The following BCKDHA variants were observed in gnomAD, a reference collection of about 807,000 sequenced individuals.
BCKDHA encodes 2-oxoisovalerate dehydrogenase subunit alpha, mitochondrial.
Under a neutral mutation model 52.2 loss-of-function variants are expected in BCKDHA, and 43 were observed. The ratio of observed to expected loss-of-function variants is 0.82; its 90% CI spans 0.64 to 1.06. The LOEUF is 1.06. BCKDHA is among the 50% of genes least tolerant of loss of function. The pLI, the probability that BCKDHA is intolerant of heterozygous loss-of-function variation, is 0.00. For missense variants in BCKDHA, 527 were observed against 621.3 expected, an observed-to-expected ratio of 0.85 and a Z score of 1.61; for synonymous variants, 234 against 247.9, an observed-to-expected ratio of 0.94 and a Z score of 0.53.
intron 1 of BCKDHA, among the ~76,000 whole-genome samples, chr19:41,406,038 C>T (rs1433562303): frequency 6.6e-6 from 1 of 152,170 alleles, no homozygotes; most frequent in Non-Finnish European, 1.5e-5. Flanking sequence ...GCCACCCACT[C>T]CCATTATGGA....
At chr19:41,422,097 T>A in intron 5 of BCKDHA, 67 bp from the exon 6 acceptor site, 1 of 1,480,248 alleles carries the variant, frequency 6.8e-7, no homozygotes, top group Non-Finnish European at 9.3e-7. Context: ...GTGGGTCATG[T>A]GAGTGTGAAT....
chr19:41,398,654 C>G (rs1472113610), intron 1 of BCKDHA, among the ~76,000 whole-genome samples: 5 of 152,212 alleles, frequency 3.3e-5, no homozygotes, highest in Admixed American at 3.3e-4. Context: ...ACAATCCCTT[C>G]AGGTGGATGC....
At chr19:41,400,672 C>T (rs192298225) in intron 1 of BCKDHA, among the ~76,000 whole-genome samples, 178 of 152,272 alleles carry the variant, frequency 1.2e-3, no homozygotes, top group Middle Eastern at 6.8e-3. Flanking sequence ...CGTGAGCCAC[C>T]TTGCCTGGCC....
chr19:41,406,304 G>A (rs778484874), intron 1 of BCKDHA, among the ~76,000 whole-genome samples: 26 of 152,148 alleles, frequency 1.7e-4, no homozygotes, highest in Non-Finnish European at 3.1e-4. Flanking sequence ...CTTAGTGCCC[G>A]TCTGAAGACT....
At chr19:41,413,319 C>T (rs905122792) in intron 3 of BCKDHA, among the ~76,000 whole-genome samples, 16 of 151,960 alleles carry the variant, frequency 1.1e-4, no homozygotes, top group African/African-American at 3.9e-4. Flanking sequence ...GGCCAGGGAC[C>T]TGAGTGCGTG....
intron 3 of BCKDHA, among the ~76,000 whole-genome samples, chr19:41,412,733 C>T (rs898302816): frequency 2.7e-5 from 4 of 149,344 alleles, no homozygotes; most frequent in African/African-American, 9.9e-5. Flanking sequence ...AGACGGAGTC[C>T]ACCTCTGTCG....
At position 41,423,992 on chromosome 19, in the gene BCKDHA, TA is replaced by T. The variant is rs1325842049; in HGVS notation, c.1168-432del. 3.1e-3 allele frequency among the ~76,000 whole-genome samples: 437 copies of T among 140,620 alleles called. 1 individual carries two copies. Among genetic ancestry groups the T allele is most frequent in the Admixed American group, 3.6e-3 (51 of 14,046 alleles). 92.3% of individuals were successfully genotyped at this position (140,620 alleles called of 152,430 possible). ...TGGGCAACAGAGCAAGACTATCTCT[TA>T]AAAAAAAAAAAAAGCTGGTTTGAGG... On this transcript the variant is annotated intron_variant, in intron 8 of 8. Coordinates refer to ENST00000269980, the MANE Select transcript of BCKDHA (RefSeq NM_000709.4).
intron 5 of BCKDHA, among the ~76,000 whole-genome samples, chr19:41,420,603 A>G (rs921997046): frequency 2.6e-5 from 4 of 151,940 alleles, no homozygotes; most frequent in African/African-American, 9.7e-5. Flanking sequence ...AAAAAAAAAA[A>G]AGGAAATTGA....
At chr19:41,402,418 T>C (rs773326551) in intron 1 of BCKDHA, among the ~76,000 whole-genome samples, 10 of 152,194 alleles carry the variant, frequency 6.6e-5, no homozygotes, top group Non-Finnish European at 1.5e-4. Context: ...CAAATCCAAC[T>C]CTAATTTTTT....
intron 1 of BCKDHA, among the ~76,000 whole-genome samples, chr19:41,408,950 C>T (rs1011814062): frequency 1.3e-5 from 2 of 151,312 alleles, no homozygotes; most frequent in East Asian, 3.9e-4. Context: ...CTATTCCTTG[C>T]CTTTTGTCTT....
At position 41,410,673 on chromosome 19, in the gene BCKDHA, G is replaced by T. The variant is rs745633347; in HGVS notation, c.145G>T (p.Asp49Tyr). ...PRQQQQFSSL[D>Y]DKPQFPGASA... ...GCAGCAGCAGCAGTTTTCATCTCTG[G>T]ATGACAAGCCCCAGTTCCCAGGGGC... The change falls in exon 2 of 9, where the codon GAT (aspartate) becomes TAT (tyrosine). Residue 49 changes from aspartate (D) to tyrosine (Y), a missense_variant. By Grantham distance (160) the Asp-to-Tyr change is radical. Coordinates refer to ENST00000269980, the MANE Select transcript of BCKDHA (RefSeq NM_000709.4). 2.2e-5 allele frequency: 36 copies of T among 1,614,202 alleles called. No homozygotes were observed. The highest frequency in any genetic ancestry group is 3.1e-5 in the Non-Finnish European group (36 of 1,180,040).
Position 41,422,226 on chromosome 19 carries a change from G to A in BCKDHA, c.709G>A (p.Gly237Ser). 5 of 1,614,164 alleles carry A rather than the reference G, an allele frequency of 3.1e-6. No individual in the cohort carries two copies. The highest frequency in any genetic ancestry group is 4.2e-6 in the Non-Finnish European group (5 of 1,180,006). The change falls in exon 6 of 9, where the codon GGC (glycine) becomes AGC (serine). Residue 237 changes from glycine to serine, a missense_variant. Physicochemically the swap from Gly to Ser is moderately conservative, Grantham distance 56 (BLOSUM62 0). Coordinates refer to ENST00000269980, the MANE Select transcript of BCKDHA (RefSeq NM_000709.4). ...CAACAGGGTCGTCATCTGTTACTTCGGCGAGGGGGCAGCCAGTGAGGGGGA... is the reference window on the plus strand; with the variant it reads ...CAACAGGGTCGTCATCTGTTACTTCAGCGAGGGGGCAGCCAGTGAGGGGGA... Reference protein sequence around the residue: ...NANRVVICYFGEGAASEGDAH... With the variant: ...NANRVVICYFSEGAASEGDAH...
At chr19:41,404,230 C>T (rs1480103823) in intron 1 of BCKDHA, among the ~76,000 whole-genome samples, 5 of 152,044 alleles carry the variant, frequency 3.3e-5, no homozygotes, top group African/African-American at 1.2e-4. Flanking sequence ...ACTGCCTGCC[C>T]TGGCCTCCCA....
chr19:41,418,345 C>G (rs1325181652), intron 4 of BCKDHA, among the ~76,000 whole-genome samples: 1 of 152,098 alleles, frequency 6.6e-6, no homozygotes, highest in East Asian at 1.9e-4. Context: ...ATCACAAACC[C>G]CCTTCTGTCT....
intron 4 of BCKDHA, 157 bp from the exon 5 acceptor site, chr19:41,418,978 C>G: frequency 1.2e-6 from 1 of 833,816 alleles, no homozygotes; most frequent in Non-Finnish European, 1.9e-6. Context: ...TCAGATTGGC[C>G]TTGCTGGGCA....
At position 41,424,737 on chromosome 19, in the gene BCKDHA, C is replaced by A; in HGVS notation, c.*129C>A. 1.8e-6 allele frequency: 2 copies of A among 1,096,218 alleles called. No homozygotes were observed. Among genetic ancestry groups the A allele is most frequent in the Non-Finnish European group, 2.5e-6 (2 of 787,694 alleles). 67.9% of individuals were successfully genotyped at this position (1,096,218 alleles called of 1,614,324 possible). ...AGCTCCCTCTAAAATACTCAGCGGCCAGGGCGGCTGCCACTCTTCACCCCT... is the reference window on the plus strand; with the variant it reads ...AGCTCCCTCTAAAATACTCAGCGGCAAGGGCGGCTGCCACTCTTCACCCCT... On this transcript the variant is annotated 3_prime_UTR_variant, in exon 9 of 9. Transcript: ENST00000269980.
At chr19:41,411,723 C>T (rs1203834378) in intron 3 of BCKDHA, among the ~76,000 whole-genome samples, 2 of 152,130 alleles carry the variant, frequency 1.3e-5, no homozygotes, top group African/African-American at 2.4e-5. Context: ...AGATTGAGAC[C>T]TCTGTTAACA....
intron 1 of BCKDHA, chr19:41,399,463 G>T (rs2039113100): frequency 6.6e-6 from 1 of 151,726 alleles, no homozygotes. Context: ...GTCATTTATG[G>T]CTGATTAAAT....
intron 1 of BCKDHA, among the ~76,000 whole-genome samples, chr19:41,398,937 C>G (rs879653889): frequency 6.6e-5 from 10 of 152,070 alleles, no homozygotes; most frequent in African/African-American, 2.2e-4. Flanking sequence ...ATGTAAAATG[C>G]TAAGGACTGG....
Sources: allele counts gnomAD v4.1 joint callset (sites outside exome capture counted in the v4.1 genomes callset), GRCh38; gene constraint gnomAD v4.1.1; transcripts MANE v1.5; gene names NCBI Gene and HGNC (gene_info 2026-07-23, HGNC 2026-07-21).